DOCK10: variants seen among roughly 807,000 people sequenced by gnomAD.
DOCK10 encodes dedicator of cytokinesis 10.
In DOCK10, 145 loss-of-function variants were observed where a neutral mutation model predicts 280.1. The observed-to-expected ratio is 0.52, with a 90% CI of 0.45 to 0.59. DOCK10 has a LOEUF of 0.59. DOCK10 is among the 20% of genes least tolerant of loss of function. The pLI is 0.00. For synonymous variants in DOCK10, 915 were observed against 942.2 expected (o/e 0.97, Z 0.53); for missense variants, 2,368 against 2,651.7 (o/e 0.89, Z 2.35).
intron 1 of DOCK10, among the ~76,000 whole-genome samples, chr2:224,974,926 TG>T (rs1350367412): frequency 7.2e-6 from 1 of 139,852 alleles, no homozygotes; most frequent in Non-Finnish European, 1.6e-5. Context: ...TAGTTGAATT[TG>T]CTTTGTTTTT....
chr2:224,789,205 T>A, intron 47 of DOCK10, 35 bp from the exon 48 acceptor site: 1 of 1,449,504 alleles, frequency 6.9e-7, no homozygotes, highest in Non-Finnish European at 9.6e-7. Context: ...ACATTATTAT[T>A]TGAGACAAAT....
intron 1 of DOCK10, among the ~76,000 whole-genome samples, chr2:224,993,202 G>GTTTTTTTTTTTTTT (rs112976099): frequency 1.8e-4 from 25 of 136,228 alleles, no homozygotes; most frequent in South Asian, 2.5e-4. Context: ...TTCTTTGGAA[G>GTTTTTTTTTTTTTT]TTTTTTTTTT....
chr2:224,949,766 A>G lies in DOCK10; in HGVS notation c.124-18098T>C, dbSNP rs116527550. On this transcript the variant is annotated intron_variant, in intron 1 of 55. Coordinates refer to ENST00000258390, the MANE Select transcript of DOCK10 (RefSeq NM_014689.3). ...TCCAGGCCTCAGTTTTCTCATCTGT[A>G]AAATAGGGATAGCATAGTCACTACC... Among the ~76,000 whole-genome samples the G allele has an allele frequency of 8.5e-3, 1,300 of 152,320 alleles. 22 individuals are homozygous for G. Among genetic ancestry groups the G allele is most frequent in the African/African-American group, 0.027 (1,136 of 41,574 alleles).
intron 3 of DOCK10, among the ~76,000 whole-genome samples, chr2:224,898,388 A>G (rs868039240): frequency 6.6e-6 from 1 of 152,218 alleles, no homozygotes; most frequent in Non-Finnish European, 1.5e-5. Flanking sequence ...AAGGCAGGAC[A>G]AAAGGAGAAC....
At chr2:224,830,478 A>G (rs1213123981) in intron 27 of DOCK10, 63 bp downstream of exon 27, 1 of 869,910 alleles carries the variant, frequency 1.1e-6, no homozygotes. Flanking sequence ...CAGCATAATC[A>G]TTAGTGTAAT....
chr2:224,926,546 T>C (rs1702055176), intron 2 of DOCK10, among the ~76,000 whole-genome samples: 2 of 152,148 alleles, frequency 1.3e-5, no homozygotes, highest in African/African-American at 2.4e-5. Context: ...AAAAAAAGTG[T>C]TAAAAGGAGG....
intron 3 of DOCK10, among the ~76,000 whole-genome samples, chr2:224,913,456 T>C (rs1701143819): frequency 1.3e-5 from 2 of 152,178 alleles, no homozygotes; most frequent in Non-Finnish European, 1.5e-5. Flanking sequence ...TAAAAATTAA[T>C]TTGTAGGATT....
intron 18 of DOCK10, among the ~76,000 whole-genome samples, chr2:224,850,971 C>T (rs537918316): frequency 5.7e-4 from 86 of 152,210 alleles, no homozygotes; most frequent in Non-Finnish European, 1.0e-3. Flanking sequence ...GTGATACAGG[C>T]CCCATGGAAC....
chr2:224,840,212 G>C, intron 23 of DOCK10, 140 bp from the exon 24 acceptor site: 1 of 523,984 alleles, frequency 1.9e-6, no homozygotes, highest in South Asian at 3.0e-5. Flanking sequence ...TGATTTTTTG[G>C]ATATGACCCT....
intron 1 of DOCK10, among the ~76,000 whole-genome samples, chr2:224,961,033 C>T (rs538205910): frequency 5.9e-5 from 9 of 152,278 alleles, no homozygotes; most frequent in South Asian, 2.1e-4. Flanking sequence ...CCACCGCGCC[C>T]GGCCCCCATC....
chr2:224,829,663 G>A (rs1373431920), intron 27 of DOCK10, among the ~76,000 whole-genome samples: 3 of 152,168 alleles, frequency 2.0e-5, no homozygotes, highest in Non-Finnish European at 4.4e-5. Context: ...CAACTCTGGT[G>A]TGAGTAGAGT....
intron 1 of DOCK10, among the ~76,000 whole-genome samples, chr2:225,035,555 T>G (rs777901214): frequency 0.11 from 3,838 of 35,482 alleles, 297 homozygotes; most frequent in Non-Finnish European, 0.13. Flanking sequence ...TATATATATA[T>G]ATATATATAT....
chr2:225,014,081 A>ATATATATATATATAT (rs776104946), intron 1 of DOCK10, among the ~76,000 whole-genome samples: 75 of 96,812 alleles, frequency 7.7e-4, no homozygotes, highest in African/African-American at 3.0e-3. Context: ...GTCTGAATAT[A>ATATATATATATATAT]TTGTTTTTTT....
intron 1 of DOCK10, among the ~76,000 whole-genome samples, chr2:224,971,840 C>A (rs758925039): frequency 6.6e-6 from 1 of 151,802 alleles, no homozygotes; most frequent in East Asian, 1.9e-4. Context: ...TAAATGTACA[C>A]CACATTTTGA....
intron 2 of DOCK10, among the ~76,000 whole-genome samples, chr2:224,930,776 T>G (rs1702316095): frequency 6.6e-6 from 1 of 152,192 alleles, no homozygotes; most frequent in African/African-American, 2.4e-5. Flanking sequence ...TTGTGATGTC[T>G]GAGACCACCT....
At chr2:224,864,257 C>T (rs138813430) in intron 13 of DOCK10, among the ~76,000 whole-genome samples, 196 of 152,306 alleles carry the variant, frequency 1.3e-3, no homozygotes, top group African/African-American at 4.5e-3. Context: ...CCTGTAATCC[C>T]AGCACTTTGG....
intron 7 of DOCK10, among the ~76,000 whole-genome samples, chr2:224,885,237 T>G (rs998620706): frequency 2.0e-5 from 3 of 152,352 alleles, no homozygotes; most frequent in Admixed American, 2.0e-4. Context: ...TGACCTCAAG[T>G]GATCCACCCG....
chr2:224,774,059 T>C (rs1690652545), intron 52 of DOCK10, among the ~76,000 whole-genome samples: 1 of 152,314 alleles, frequency 6.6e-6, no homozygotes, highest in Admixed American at 6.5e-5. Flanking sequence ...GATATAGCTT[T>C]GTTGTGGCTT....
rs757771143 is a variant in DOCK10 at position 224,816,634 on chromosome 2, C to T, written c.3347G>A (p.Arg1116Lys). ...TTTATTACCTGGAATGTTTGCTGAT[C>T]TTATGGGCAGACACAAAGGGATAAA... The part of the protein sequence containing the change: ...EHFIPLCLPI[R>K]SANIPDPLTP... Residue 1116 changes from arginine (R) to lysine (K), a missense_variant, in exon 30 of 56, where the codon AGA becomes AAA. Physicochemically the swap from Arg to Lys is conservative, Grantham distance 26. Coordinates refer to ENST00000258390, the MANE Select transcript of DOCK10 (RefSeq NM_014689.3). 6.2e-7 allele frequency: 1 copy of T among 1,602,882 alleles called. No homozygotes were observed. Among genetic ancestry groups the T allele is most frequent in the South Asian group, 1.1e-5 (1 of 89,376 alleles).
Sources: allele counts gnomAD v4.1 joint callset (sites outside exome capture counted in the v4.1 genomes callset), GRCh38; gene constraint gnomAD v4.1.1; transcripts MANE v1.5; gene names NCBI Gene and HGNC (gene_info 2026-07-23, HGNC 2026-07-21).